Variants in NUDT6 observed in about 807,000 individuals in gnomAD.
NUDT6 encodes the protein nudix hydrolase 6, also known as FAD diphosphatase NUDT6.
In NUDT6, 24 loss-of-function variants were observed where a neutral mutation model predicts 36.8. The observed-to-expected ratio is 0.65, with a 90% confidence interval of 0.47 to 0.92. The LOEUF is 0.92. NUDT6 is among the 40% of genes least tolerant of loss of function. The probability of loss-of-function intolerance (pLI) is 0.00; values close to 1 mark genes in which losing one functional copy is unlikely to be tolerated. For missense variants in NUDT6, 388 were observed against 392.8 expected, an observed-to-expected ratio of 0.99 and a Z score of 0.10; for synonymous variants, 163 against 157.0, an observed-to-expected ratio of 1.04 and a Z score of -0.29.
intron 2 of NUDT6, among the ~76,000 whole-genome samples, chr4:122,917,191 A>T (rs186214928): frequency 6.6e-6 from 1 of 152,210 alleles, no homozygotes. Flanking sequence ...CTATACTTTT[A>T]TAACTGTTCT....
chr4:122,892,829 T>G lies in NUDT6; in HGVS notation c.950A>C (p.Ter317SerextTer10). ...ENYKTMKGID[*>S] ...GTTTCTAAACATATAAATGTGAATT[T>G]AATCAATTCCTTTCATAGTTTTATA... Residue 317 changes from the stop codon to serine, a stop_lost, in exon 5 of 5, where the codon TAA becomes TCA. Coordinates refer to ENST00000304430, the MANE Select transcript of NUDT6 (RefSeq NM_007083.5). 6.3e-7 allele frequency: 1 copy of G among 1,589,642 alleles called. No homozygotes were observed. The highest frequency in any genetic ancestry group is 1.1e-5 in the South Asian group (1 of 87,426).
chr4:122,900,057 A>ACAACCCCCCC (rs376050692), intron 3 of NUDT6, among the ~76,000 whole-genome samples: 1 of 88,676 alleles, frequency 1.1e-5, no homozygotes, highest in Non-Finnish European at 2.2e-5. Context: ...CACCCCCGCC[A>ACAACCCCCCC]CCCCCCCCCC....
chr4:122,921,010 A>C (rs1727963946), intron 1 of NUDT6: 1 of 152,208 alleles, frequency 6.6e-6, no homozygotes, highest in South Asian at 2.1e-4. Context: ...GCCTTCAATT[A>C]GATTATAAAA....
chr4:122,899,425 T>C (rs1296668444), intron 3 of NUDT6, among the ~76,000 whole-genome samples: 1 of 152,170 alleles, frequency 6.6e-6, no homozygotes, highest in Admixed American at 6.5e-5. Context: ...TTTATGCTGG[T>C]AAGTATTTTG....
chr4:122,906,933 G>A (rs553123677), intron 3 of NUDT6, among the ~76,000 whole-genome samples: 7 of 152,268 alleles, frequency 4.6e-5, no homozygotes, highest in Non-Finnish European at 8.8e-5. Flanking sequence ...GCTGACAAAT[G>A]CCATGGTAAT....
At chr4:122,918,311 T>G (rs1322766286) in intron 1 of NUDT6, 1 of 152,320 alleles carries the variant, frequency 6.6e-6, no homozygotes, top group Non-Finnish European at 1.5e-5. Context: ...ATTATAGGTT[T>G]TCTATCTTTG....
chr4:122,916,646 G>A (rs72919882), intron 2 of NUDT6, among the ~76,000 whole-genome samples: 6,242 of 152,106 alleles, frequency 0.041, 414 homozygotes, highest in African/African-American at 0.14. Flanking sequence ...TTCTCTGTGC[G>A]TCTGTCTACT....
chr4:122,896,040 T>C lies in NUDT6; in HGVS notation c.553+1584A>G, dbSNP rs1578487464. ...ATTTCTAGCTGCTTTCAGGGTTTTA[T>C]GAATTTTCAGGCAAAGCTTTAATTT... On this transcript the variant is annotated intron_variant, in intron 4 of 4. Transcript: ENST00000304430. 6 of 152,788 alleles carry C rather than the reference T, an allele frequency of 3.9e-5. 1 individual carries two copies. The highest frequency in any genetic ancestry group is 3.9e-4 in the Admixed American group (6 of 15,304). The allele number at this position is 152,788 out of a possible 1,614,324, so 9.5% of individuals were successfully genotyped here.
chr4:122,893,089 C>T lies in NUDT6; in HGVS notation c.690G>A (p.Lys230=), dbSNP rs1186498251. 2.5e-6 allele frequency: 4 copies of T among 1,614,132 alleles called. No individual in the cohort carries two copies. Among genetic ancestry groups the T allele is most frequent in the East Asian group, 2.2e-5 (1 of 44,884 alleles). Residue 230 remains lysine, a synonymous_variant, in exon 5 of 5, where the codon AAG becomes AAA. Transcript: ENST00000304430. The part of the protein sequence containing the change: ...KSDMYIICRL[K]PYSFTINFCQ... ...AAAAATTTATGGTGAATGAATATGG[C>T]TTTAGGCGGCAGATGATATACATAT...
intron 4 of NUDT6, chr4:122,895,754 T>C (rs1033728974): frequency 1.3e-5 from 2 of 152,248 alleles, no homozygotes; most frequent in Non-Finnish European, 2.9e-5. Flanking sequence ...ATTTACCTAG[T>C]ATTATGAAAG....
intron 3 of NUDT6, among the ~76,000 whole-genome samples, chr4:122,900,178 A>C (rs1727491483): frequency 6.6e-6 from 1 of 151,756 alleles, no homozygotes; most frequent in Non-Finnish European, 1.5e-5. Context: ...TTCAGGCACC[A>C]GGTAAGAGAA....
upstream of NUDT6, chr4:122,922,620 C>G: frequency 2.7e-6 from 4 of 1,483,596 alleles, no homozygotes; most frequent in Non-Finnish European, 3.7e-6. Context: ...CCTCCGCGCT[C>G]CAGAGCGGAG....
In NUDT6 at chr4:122,893,108, T is replaced by C. The variant is rs1319038330; in HGVS notation, c.671A>G (p.Tyr224Cys). The C allele has an allele frequency of 5.0e-6, 8 of 1,614,074 alleles. No individual in the cohort carries two copies. Among genetic ancestry groups the C allele is most frequent in the Middle Eastern group, 1.6e-4 (1 of 6,084 alleles). Residue 224 changes from tyrosine (Y) to cysteine (C), a missense_variant, in exon 5 of 5, where the codon TAT becomes TGT. Physicochemically the swap from Tyr to Cys is radical, Grantham distance 194 (BLOSUM62 -2). Transcript: ENST00000304430. ...ATATGGCTTTAGGCGGCAGATGATATACATATCTGACTTCCCAAAAGCTCC... is the reference window on the plus strand; with the variant it reads ...ATATGGCTTTAGGCGGCAGATGATACACATATCTGACTTCCCAAAAGCTCC... ...NPGAFGKSDM[Y>C]IICRLKPYSF...
intron 3 of NUDT6, among the ~76,000 whole-genome samples, chr4:122,908,592 A>G (rs549816180): frequency 6.6e-6 from 1 of 152,264 alleles, no homozygotes; most frequent in Middle Eastern, 3.4e-3. Context: ...AACTTATTAA[A>G]CAAAACTGTA....
intron 3 of NUDT6, among the ~76,000 whole-genome samples, chr4:122,904,710 T>C (rs1727584400): frequency 6.6e-6 from 1 of 152,184 alleles, no homozygotes; most frequent in Admixed American, 6.5e-5. Context: ...TGCCTCGGCC[T>C]CCCAAAGTGC....
rs760518177 is a variant in NUDT6 at position 122,922,379 on chromosome 4, G to A, written c.194C>T (p.Ala65Val). The A allele has an allele frequency of 3.1e-6, 5 of 1,606,550 alleles. No individual in the cohort carries two copies. Among genetic ancestry groups the A allele is most frequent in the East Asian group, 2.2e-5 (1 of 44,838 alleles). ...GISVRLARLDALDRLDAAAFQ... is the reference protein window; with the variant it reads ...GISVRLARLDVLDRLDAAAFQ... The stretch of plus-strand genomic sequence containing the variant: ...GGCGGCAGCGTCCAGGCGGTCCAGC[G>A]CATCGAGCCGCGCCAGGCGCACCGA... The change falls in exon 1 of 5, where the codon GCG becomes GTG. Residue 65 changes from alanine to valine, a missense_variant. By Grantham distance (64) the Ala-to-Val change is moderately conservative (BLOSUM62 0). Coordinates refer to ENST00000304430, the MANE Select transcript of NUDT6 (RefSeq NM_007083.5).
intron 3 of NUDT6, among the ~76,000 whole-genome samples, chr4:122,899,060 T>TTTTTTTTTTAG (rs70955079): frequency 6.9e-6 from 1 of 145,032 alleles, no homozygotes; most frequent in African/African-American, 2.5e-5. Context: ...TTTTTTTTTT[T>TTTTTTTTTTAG]AGAGATGAGA....
intron 1 of NUDT6, chr4:122,917,942 A>C (rs1218467029): frequency 2.0e-6 from 1 of 499,244 alleles, no homozygotes; most frequent in Non-Finnish European, 3.6e-6. Context: ...GCTGACCTTT[A>C]TATCCATACC....
intron 2 of NUDT6, among the ~76,000 whole-genome samples, chr4:122,915,721 G>A (rs1017974976): frequency 1.3e-5 from 2 of 152,120 alleles, no homozygotes; most frequent in African/African-American, 4.8e-5. Flanking sequence ...CAATTCTGTA[G>A]TAATAACTGG....
Sources: gnomAD v4.1 joint callset for allele counts (sites outside exome capture counted in the v4.1 genomes callset) on GRCh38, gnomAD v4.1.1 for gene constraint, MANE v1.5 for transcripts, NCBI Gene and HGNC (gene_info 2026-07-23, HGNC 2026-07-21) for gene names.